PWWP3A: variants seen among roughly 807,000 people sequenced by gnomAD.
The protein encoded by PWWP3A is PWWP domain containing 3A, DNA repair factor, also known as PWWP domain-containing DNA repair factor 3A.
Under a neutral mutation model 79.0 loss-of-function variants are expected in PWWP3A, and 53 were observed. The observed-to-expected ratio is 0.67, with a 90% CI of 0.54 to 0.84. The LOEUF (loss-of-function observed/expected upper bound fraction) is 0.84. Ranked by LOEUF, PWWP3A falls within the 40% of genes least tolerant of loss-of-function variation. The pLI is 0.00. For missense variants in PWWP3A, 973 were observed against 948.0 expected (o/e 1.03, Z -0.35); for synonymous variants, 443 against 394.4 (o/e 1.12, Z -1.46).
At chr19:1,375,795 CAT>C (rs1160923784) in intron 13 of PWWP3A, among the ~76,000 whole-genome samples, 4 of 118,388 alleles carry the variant, frequency 3.4e-5, no homozygotes, top group Admixed American at 1.0e-4. Context: ...CACACACACA[CAT>C]ATGTATTTAT....
chr19:1,369,327 C>G lies in PWWP3A; in HGVS notation c.1485C>G (p.Tyr495Ter). 1.2e-6 allele frequency: 2 copies of G among 1,613,836 alleles called. No individual in the cohort carries two copies. Among genetic ancestry groups the G allele is most frequent in the Non-Finnish European group, 1.7e-6 (2 of 1,180,020 alleles). ...IGWCVSLITD[Y>*]RVRLGCGSFA... ...GGTGTGTCTCCCTCATCACCGACTA[C>G]AGGGTCCGGTTAGGTACGTGGGGTG... is the stretch of plus-strand genomic sequence containing the variant. Residue 495 changes from tyrosine to a stop codon, truncating the protein, a stop_gained, in exon 10 of 14, where the codon TAC becomes TAG. Transcript: ENST00000591337. LOFTEE classifies it high-confidence loss of function. The surrounding 1 kb of genome is among the most constrained non-coding windows in gnomAD (Gnocchi z 4.0).
At position 1,376,299 on chromosome 19, in the gene PWWP3A, T is replaced by TTG. The variant is rs1555773627; in HGVS notation, c.2076-219_2076-218insGT. 5.6e-4 allele frequency among the ~76,000 whole-genome samples: 51 copies of TTG among 91,214 alleles called. 2 individuals carry two copies. The highest frequency in any genetic ancestry group is 6.8e-4 in the Non-Finnish European group (32 of 46,906). The allele number at this position is 91,214 out of a possible 152,430, so 59.8% of individuals were successfully genotyped here. A position where few individuals can be genotyped will look rare whatever the true frequency, so the allele number is the denominator to read the frequency against. ...CGCCACCACGCCCGGCTGTTTGTTT[T>TTG]TTTTTTTGTTTGTTTTTTTTTTTTT... On this transcript the variant is annotated intron_variant, in intron 13 of 13. Coordinates refer to ENST00000591337, the MANE Select transcript of PWWP3A (RefSeq NM_001369789.1).
Position 1,376,772 on chromosome 19 carries a change from C to T in PWWP3A, c.*196C>T. The T allele has an allele frequency of 2.0e-6, 1 of 494,330 alleles. No individual in the cohort carries two copies. The highest frequency in any genetic ancestry group is 3.6e-6 in the Non-Finnish European group (1 of 279,666). The allele number at this position is 494,330 out of a possible 1,614,324, so 30.6% of individuals were successfully genotyped here. A position where few individuals can be genotyped will look rare whatever the true frequency, so the allele number is the denominator to read the frequency against. On this transcript the variant is annotated 3_prime_UTR_variant, in exon 14 of 14. Coordinates refer to ENST00000591337, the MANE Select transcript of PWWP3A (RefSeq NM_001369789.1). ...AACACTGAAAGCCAGTTCTCTTTTC[C>T]TGGCAGTTTTTTTCATTTTATTTTT...
At chr19:1,372,992 C>T in intron 12 of PWWP3A, 80 bp from the exon 13 acceptor site, 3 of 1,253,252 alleles carry the variant, frequency 2.4e-6, no homozygotes, top group Non-Finnish European at 3.5e-6. Flanking sequence ...ACCCAGGCTC[C>T]CTGCGGCCTT....
chr19:1,361,378 CTT>C (rs1307214747), intron 5 of PWWP3A, among the ~76,000 whole-genome samples: 1 of 152,330 alleles, frequency 6.6e-6, no homozygotes, highest in East Asian at 1.9e-4. Flanking sequence ...AGGATTAACT[CTT>C]TTAACGGAAG....
intron 13 of PWWP3A, among the ~76,000 whole-genome samples, chr19:1,376,298 TTTTTTTTTG>T (rs2082395344): frequency 4.4e-5 from 4 of 90,186 alleles, no homozygotes; most frequent in South Asian, 3.5e-4. Flanking sequence ...GCTGTTTGTT[TTTTTTTTTG>T]TTTGTTTTTT....
chr19:1,366,495 C>T (rs983196571), intron 8 of PWWP3A, 114 bp downstream of exon 8: 5 of 901,292 alleles, frequency 5.5e-6, no homozygotes, highest in African/African-American at 1.7e-5. Flanking sequence ...GGCAGGAGTC[C>T]AGGCCCGGGC....
intron 13 of PWWP3A, among the ~76,000 whole-genome samples, chr19:1,376,291 G>GTTTTTTTTTTCTTTT (rs1350699607): frequency 2.0e-5 from 1 of 50,852 alleles, no homozygotes; most frequent in Non-Finnish European, 4.3e-5. Context: ...ACGCCCGGCT[G>GTTTTTTTTTTCTTTT]TTTGTTTTTT....
rs1600089134 is a variant in PWWP3A at position 1,355,036 on chromosome 19, G to C, written c.-169G>C. The C allele has an allele frequency of 6.6e-6, 1 of 150,540 alleles. No homozygotes were observed. The highest frequency in any genetic ancestry group is 2.4e-5 in the African/African-American group (1 of 41,066). The allele number at this position is 150,540 out of a possible 1,614,324, so 9.3% of individuals were successfully genotyped here. ...GGCGGAGGCGGTGAGCGCGGGCGGC[G>C]CGGACGGCAGCGGTTGGCGGGCGGG... On this transcript the variant is annotated 5_prime_UTR_variant, in exon 1 of 14. Transcript: ENST00000591337.
intron 4 of PWWP3A, chr19:1,359,006 C>CG (rs1269560384): frequency 3.3e-6 from 1 of 301,554 alleles, no homozygotes; most frequent in Non-Finnish European, 6.7e-6. Flanking sequence ...GTGGAGCTCT[C>CG]GGCTTCCCAT....
In PWWP3A at chr19:1,373,058, G is replaced by C. The variant is rs745802654; in HGVS notation, c.1987-14G>C. The stretch of plus-strand genomic sequence containing the variant: ...GCAGTGCCTGCTGCTATTGAGCCCC[G>C]TGCCCTCTCACAGGCCATCATCTGT... On this transcript the variant is annotated splice_polypyrimidine_tract_variant and intron_variant, in intron 12 of 13. Coordinates refer to ENST00000591337, the MANE Select transcript of PWWP3A (RefSeq NM_001369789.1). The C allele has an allele frequency of 5.0e-6, 8 of 1,613,176 alleles. No individual in the cohort carries two copies. The African/African-American group carries it at 1.1e-4, about 22-fold the overall frequency.
rs1289641455 is a variant in PWWP3A at position 1,369,758 on chromosome 19, G to A, written c.1549+112G>A. On this transcript the variant is annotated intron_variant, in intron 11 of 13. Transcript: ENST00000591337. The surrounding 1 kb of genome is among the most constrained non-coding windows in gnomAD (Gnocchi z 4.0). ...GGACGTTGGGGTCAAGGCACTGTCCGCAGCCACACAGCATTGTTCAACCTC... is the reference window on the plus strand; with the variant it reads ...GGACGTTGGGGTCAAGGCACTGTCCACAGCCACACAGCATTGTTCAACCTC... The A allele has an allele frequency of 1.2e-5, 14 of 1,167,482 alleles. No homozygotes were observed. The highest frequency in any genetic ancestry group is 4.7e-5 in the East Asian group (2 of 42,734). 72.3% of individuals were successfully genotyped at this position (1,167,482 alleles called of 1,614,324 possible).
chr19:1,359,979 T>C (rs537633721), intron 4 of PWWP3A, 157 bp from the exon 5 acceptor site: 1 of 710,112 alleles, frequency 1.4e-6, no homozygotes, highest in East Asian at 3.1e-5. Flanking sequence ...GTCTCCTTTT[T>C]GGGAAAATGT....
rs1205507603 is a variant in PWWP3A at position 1,370,682 on chromosome 19, G to T, written c.1590G>T (p.Gly530=). Residue 530 remains glycine, a synonymous_variant, in exon 12 of 14, where the codon GGG becomes GGT. Coordinates refer to ENST00000591337, the MANE Select transcript of PWWP3A (RefSeq NM_001369789.1). ...AATCCATCCAGCAGGACGTCTTGGGGACCAAGCTTCCTCAACTGAGCAAGG... is the reference window on the plus strand; with the variant it reads ...AATCCATCCAGCAGGACGTCTTGGGTACCAAGCTTCCTCAACTGAGCAAGG... ...VRKSIQQDVL[G]TKLPQLSKGS... is the part of the protein sequence containing the mutation. 1.4e-6 allele frequency: 2 copies of T among 1,452,938 alleles called. No homozygotes were observed. The highest frequency in any genetic ancestry group is 1.8e-6 in the Non-Finnish European group (2 of 1,100,492). 90.0% of individuals were successfully genotyped at this position (1,452,938 alleles called of 1,614,324 possible).
chr19:1,359,886 A>T, intron 4 of PWWP3A: 1 of 352,624 alleles, frequency 2.8e-6, no homozygotes, highest in Non-Finnish European at 5.1e-6. Flanking sequence ...CTTTTTAGCC[A>T]ATCAGGTTAA....
In PWWP3A at chr19:1,366,318, G is replaced by T. The variant is rs1175574774; in HGVS notation, c.1298G>T (p.Arg433Met). The change falls in exon 8 of 14, where the codon AGG becomes ATG. Residue 433 changes from arginine (R) to methionine (M), a missense_variant. Physicochemically the swap from Arg to Met is moderately conservative, Grantham distance 91. Coordinates refer to ENST00000591337, the MANE Select transcript of PWWP3A (RefSeq NM_001369789.1). ...PFWPAVVKSVRQRDKKASVLY... is the reference protein window; with the variant it reads ...PFWPAVVKSVMQRDKKASVLY... Reference sequence around the variant, plus strand: ...ATTTGTGAACAGGTCAAAAGCGTCAGGCAGAGAGATAAGAAAGCAAGTGTG... The same window carrying T: ...ATTTGTGAACAGGTCAAAAGCGTCATGCAGAGAGATAAGAAAGCAAGTGTG... The T allele has an allele frequency of 6.2e-7, 1 of 1,614,196 alleles. No individual in the cohort carries two copies. Among genetic ancestry groups the T allele is most frequent in the South Asian group, 1.1e-5 (1 of 91,092 alleles).
Position 1,372,141 on chromosome 19 carries a change from G to T in PWWP3A, c.1987-931G>T, listed in dbSNP as rs376178483. ...TAAGCCCATAAATACTTCAGTGTGTGTCTCTAAAAGGAGGGTGATTCTGCC... is the reference window on the plus strand; with the variant it reads ...TAAGCCCATAAATACTTCAGTGTGTTTCTCTAAAAGGAGGGTGATTCTGCC... On this transcript the variant is annotated intron_variant, in intron 12 of 13. Coordinates refer to ENST00000591337, the MANE Select transcript of PWWP3A (RefSeq NM_001369789.1). 2.0e-5 allele frequency: 3 copies of T among 152,330 alleles called. No homozygotes were observed. The East Asian group carries it at 5.8e-4, about 30-fold the overall frequency. The allele number at this position is 152,330 out of a possible 1,614,324, so 9.4% of individuals were successfully genotyped here. A position where few individuals can be genotyped will look rare whatever the true frequency, so the allele number is the denominator to read the frequency against.
At chr19:1,361,059 G>T in intron 5 of PWWP3A, 27 bp downstream of exon 5, 1 of 1,419,524 alleles carries the variant, frequency 7.0e-7, no homozygotes, top group Non-Finnish European at 9.2e-7. Context: ...GAGGAGGAGA[G>T]CGCAGAGGGT....
At position 1,377,646 on chromosome 19, in the gene PWWP3A, C is replaced by G. The variant is rs1187491571; in HGVS notation, c.*1070C>G. On this transcript the variant is annotated 3_prime_UTR_variant, in exon 14 of 14. Coordinates refer to ENST00000591337, the MANE Select transcript of PWWP3A (RefSeq NM_001369789.1). Reference sequence around the variant, plus strand: ...GCAGGGTCAGACGTGCTGTTAAGAGCAAAGCCACAGACGATGACTTGTCCA... The same window carrying G: ...GCAGGGTCAGACGTGCTGTTAAGAGGAAAGCCACAGACGATGACTTGTCCA... 6.6e-6 allele frequency: 1 copy of G among 152,364 alleles called. No individual in the cohort carries two copies. Among genetic ancestry groups the G allele is most frequent in the Admixed American group, 6.5e-5 (1 of 15,280 alleles). The allele number at this position is 152,364 out of a possible 1,614,324, so 9.4% of individuals were successfully genotyped here.
Sources: allele counts gnomAD v4.1 joint callset (sites outside exome capture counted in the v4.1 genomes callset), GRCh38; gene constraint gnomAD v4.1.1; non-coding constraint Gnocchi (gnomAD v3.1); transcripts MANE v1.5; gene names NCBI Gene and HGNC (gene_info 2026-07-23, HGNC 2026-07-21).